The following RNGTT variants were observed in gnomAD, a reference collection of about 807,000 sequenced individuals.
RNGTT encodes RNA guanylyltransferase and 5'-phosphatase.
Under a neutral mutation model 79.3 loss-of-function variants are expected in RNGTT, and 33 were observed. The ratio of observed to expected loss-of-function variants is 0.42; its 90% CI spans 0.32 to 0.56. The LOEUF is 0.56. RNGTT is among the 20% of genes least tolerant of loss of function. The pLI, the probability that RNGTT is intolerant of heterozygous loss-of-function variation, is 0.17. For synonymous variants in RNGTT, 222 were observed against 235.9 expected, an observed-to-expected ratio of 0.94 and a Z score of 0.54; for missense variants, 497 against 739.1, an observed-to-expected ratio of 0.67 and a Z score of 3.80.
intron 12 of RNGTT, among the ~76,000 whole-genome samples, chr6:88,792,698 G>A (rs1779464039): frequency 6.6e-6 from 1 of 152,118 alleles, no homozygotes; most frequent in African/African-American, 2.4e-5. Flanking sequence ...GTCTGAAAGT[G>A]GAATACATAA....
At chr6:88,722,959 T>C (rs1471002067) in intron 13 of RNGTT, among the ~76,000 whole-genome samples, 1 of 152,224 alleles carries the variant, frequency 6.6e-6, no homozygotes, top group Non-Finnish European at 1.5e-5. Context: ...TTATGTACAG[T>C]ACCTAACACT....
chr6:88,926,538 T>C (rs906387392), intron 4 of RNGTT, among the ~76,000 whole-genome samples: 2 of 152,226 alleles, frequency 1.3e-5, no homozygotes, highest in Non-Finnish European at 2.9e-5. Context: ...CATTTCTTCA[T>C]GTTTATTTTA....
intron 14 of RNGTT, among the ~76,000 whole-genome samples, chr6:88,621,460 T>A (rs1231297099): frequency 6.6e-6 from 1 of 152,236 alleles, no homozygotes; most frequent in Middle Eastern, 3.4e-3. Flanking sequence ...GCTAGTATTA[T>A]CTCTAAGCTT....
intron 4 of RNGTT, among the ~76,000 whole-genome samples, chr6:88,926,643 T>C (rs1173602543): frequency 6.6e-6 from 1 of 152,190 alleles, no homozygotes; most frequent in Admixed American, 6.5e-5. Context: ...GAGAGGTAGT[T>C]TCAAGTGTGA....
chr6:88,616,456 C>G (rs1391894454), intron 14 of RNGTT, among the ~76,000 whole-genome samples: 1 of 152,088 alleles, frequency 6.6e-6, no homozygotes, highest in Non-Finnish European at 1.5e-5. Flanking sequence ...TTTACATTCT[C>G]ACTAACAGTA....
intron 12 of RNGTT, among the ~76,000 whole-genome samples, chr6:88,798,360 G>C (rs1779670456): frequency 6.6e-6 from 1 of 152,012 alleles, no homozygotes; most frequent in Non-Finnish European, 1.5e-5. Flanking sequence ...AGCTACTTGG[G>C]GACCTGAAGT....
At chr6:88,775,727 G>T (rs992738688) in intron 12 of RNGTT, among the ~76,000 whole-genome samples, 8 of 152,106 alleles carry the variant, frequency 5.3e-5, no homozygotes, top group African/African-American at 1.9e-4. Context: ...CATAATAGGT[G>T]TTTTTTGCAT....
intron 13 of RNGTT, among the ~76,000 whole-genome samples, chr6:88,715,897 T>C (rs1429291686): frequency 2.6e-5 from 4 of 152,170 alleles, no homozygotes; most frequent in Admixed American, 6.5e-5. Flanking sequence ...ATTCAGGACA[T>C]AGGCATGGGC....
chr6:88,713,773 A>G (rs1776402391), intron 13 of RNGTT, among the ~76,000 whole-genome samples: 1 of 152,174 alleles, frequency 6.6e-6, no homozygotes, highest in Admixed American at 6.5e-5. Flanking sequence ...CGGGCTTTTT[A>G]TTACGCTACA....
At chr6:88,719,866 T>C (rs1776649361) in intron 13 of RNGTT, among the ~76,000 whole-genome samples, 1 of 152,152 alleles carries the variant, frequency 6.6e-6, no homozygotes, top group South Asian at 2.1e-4. Flanking sequence ...CCTTGTCATC[T>C]TTCTTACTTT....
At chr6:88,633,214 T>C (rs898003554) in intron 14 of RNGTT, among the ~76,000 whole-genome samples, 1 of 152,144 alleles carries the variant, frequency 6.6e-6, no homozygotes, top group African/African-American at 2.4e-5. Context: ...ATTTTGTTCA[T>C]TGCCAGATCC....
chr6:88,807,156 G>A (rs1216399831), intron 11 of RNGTT, among the ~76,000 whole-genome samples: 1 of 152,184 alleles, frequency 6.6e-6, no homozygotes, highest in Non-Finnish European at 1.5e-5. Context: ...ATACCTGGGT[G>A]ACGGCATGAT....
chr6:88,810,410 G>A (rs1050183297), intron 11 of RNGTT, among the ~76,000 whole-genome samples: 1 of 152,056 alleles, frequency 6.6e-6, no homozygotes, highest in East Asian at 1.9e-4. Flanking sequence ...AAATTAAGTC[G>A]CTGAGATGAA....
At chr6:88,685,664 T>C (rs1464694133) in intron 13 of RNGTT, among the ~76,000 whole-genome samples, 1 of 151,956 alleles carries the variant, frequency 6.6e-6, no homozygotes, top group Non-Finnish European at 1.5e-5. Flanking sequence ...TAACTCACCA[T>C]TGTAACTACC....
intron 8 of RNGTT, among the ~76,000 whole-genome samples, chr6:88,879,550 C>T (rs1406147816): frequency 6.6e-6 from 1 of 152,068 alleles, no homozygotes; most frequent in Non-Finnish European, 1.5e-5. Context: ...ACACATTGAG[C>T]ACCCTGCTCT....
intron 1 of RNGTT, among the ~76,000 whole-genome samples, chr6:88,952,837 C>T (rs985887070): frequency 6.6e-6 from 1 of 152,182 alleles, no homozygotes; most frequent in African/African-American, 2.4e-5. Context: ...GGTAACTCCA[C>T]AGTGTGACTA....
intron 12 of RNGTT, among the ~76,000 whole-genome samples, chr6:88,771,311 GTGTGTATATATATA>G (rs1160820536): frequency 3.7e-4 from 18 of 48,666 alleles, no homozygotes; most frequent in African/African-American, 8.1e-4. Context: ...GTATGTGTGT[GTGTGTATATATATA>G]TATATATATA....
intron 13 of RNGTT, among the ~76,000 whole-genome samples, chr6:88,754,778 G>C (rs1777952260): frequency 6.6e-6 from 1 of 152,176 alleles, no homozygotes; most frequent in Admixed American, 6.5e-5. Context: ...TGAGTGATCT[G>C]TGCCTTAAGG....
chr6:88,714,990 A>G (rs1436843543), intron 13 of RNGTT, among the ~76,000 whole-genome samples: 4 of 152,156 alleles, frequency 2.6e-5, no homozygotes, highest in Non-Finnish European at 5.9e-5. Flanking sequence ...GAAGGAAATA[A>G]AGGGTATTCA....
Sources: allele counts gnomAD v4.1 joint callset (sites outside exome capture counted in the v4.1 genomes callset), GRCh38; gene constraint gnomAD v4.1.1; transcripts MANE v1.5; gene names NCBI Gene and HGNC (gene_info 2026-07-23, HGNC 2026-07-21).